AHNAK2: variants seen among roughly 807,000 people sequenced by gnomAD.
AHNAK2 encodes AHNAK nucleoprotein 2.
A neutral mutation model predicts 30.7 loss-of-function variants in AHNAK2; 18 were observed. The observed-to-expected ratio is 0.59, with a 90% CI of 0.41 to 0.87. The LOEUF (loss-of-function observed/expected upper bound fraction) is 0.87, where lower values mean the gene tolerates loss of function less well. Among genes scored for constraint, AHNAK2 ranks in the 40% least tolerant of loss-of-function variants. AHNAK2 has a pLI of 0.00. For synonymous variants in AHNAK2, 3,590 were observed against 3,073.8 expected (o/e 1.17, Z -5.56); for missense variants, 8,604 against 7,373.0 (o/e 1.17, Z -6.11).
At position 104,951,995 on chromosome 14, in the gene AHNAK2, G is replaced by T. The variant is rs534455193; in HGVS notation, c.3456C>A (p.Ala1152=). 1.6e-5 allele frequency: 26 copies of T among 1,611,074 alleles called. No individual in the cohort carries two copies. The South Asian group carries it at 2.9e-4, about 18-fold the overall frequency. The change falls in exon 7 of 7, where the codon GCC becomes GCA. Residue 1152 remains alanine (A), a synonymous_variant. Transcript: ENST00000333244. The part of the protein sequence containing the change: ...SARLEGELSL[A]DKDVTAKDSR... The stretch of plus-strand genomic sequence containing the variant: ...TGTCTTTGGCAGTCACATCCTTGTC[G>T]GCCAGGGACAGTTCCCCCTCCAGCC...
At chr14:104,962,451 G>A (rs1214450889) in intron 1 of AHNAK2, among the ~76,000 whole-genome samples, 1 of 152,110 alleles carries the variant, frequency 6.6e-6, no homozygotes, top group African/African-American at 2.4e-5. Context: ...TTTGAGACAG[G>A]GTCTCACTCT....
chr14:104,954,052 A>G lies in AHNAK2; in HGVS notation c.1399T>C (p.Leu467=). The part of the protein sequence containing the change: ...SLEIGIARLS[L]RDTTEGGTQI... Reference sequence around the variant, plus strand: ...GTGCCTCCTTCGGTTGTGTCTCTCAAGGACAGTCTGGCGATCCCGATTTCC... The same window carrying G: ...GTGCCTCCTTCGGTTGTGTCTCTCAGGGACAGTCTGGCGATCCCGATTTCC... The change falls in exon 7 of 7, where the codon TTG becomes CTG. Residue 467 remains leucine, a synonymous_variant. Transcript: ENST00000333244. This position sits in a 1 kb window ranked among gnomAD's most constrained non-coding sequence, Gnocchi z 4.3. 1 of 1,613,446 alleles carries G rather than the reference A, an allele frequency of 6.2e-7. No homozygotes were observed.
In AHNAK2 at chr14:104,953,282, G is replaced by A. The variant is rs199552372; in HGVS notation, c.2169C>T (p.Leu723=). 2.2e-5 allele frequency: 35 copies of A among 1,612,412 alleles called. No individual in the cohort carries two copies. The Admixed American group carries it at 2.8e-4, about 13-fold the overall frequency. The change falls in exon 7 of 7, where the codon CTC becomes CTT. Residue 723 remains leucine, a synonymous_variant. Coordinates refer to ENST00000333244, the MANE Select transcript of AHNAK2 (RefSeq NM_138420.4). ...GGTCAGCGGAAGGGGTCTGGACGCT[G>A]AGGTCAGTGGTCTTGAGGTCCCCCT... ...SMQGDLKTTD[L]SVQTPSADLE...
In AHNAK2 at chr14:104,945,217, C is replaced by T; in HGVS notation, c.10234G>A (p.Asp3412Asn). 6.2e-7 allele frequency: 1 copy of T among 1,613,132 alleles called. No individual in the cohort carries two copies. The highest frequency in any genetic ancestry group is 8.5e-7 in the Non-Finnish European group (1 of 1,179,662). Reference sequence around the variant, plus strand: ...AGGTCCAGCTTGGGGCCCTTGATGTCCACCTGGGGGCTCTTGAGGTCCACT... The same window carrying T: ...AGGTCCAGCTTGGGGCCCTTGATGTTCACCTGGGGGCTCTTGAGGTCCACT... ...PKVDLKSPQV[D>N]IKGPKLDLKV... Residue 3412 changes from aspartate (D) to asparagine (N), a missense_variant, in exon 7 of 7, where the codon GAC becomes AAC. Transcript: ENST00000333244.
Position 104,947,265 on chromosome 14 carries a change from C to A in AHNAK2, c.8186G>T (p.Gly2729Val), listed in dbSNP as rs774520525. ...GHVPEGAGLKGHLPKLQMPSF... is the reference protein window; with the variant it reads ...GHVPEGAGLKVHLPKLQMPSF... Reference sequence around the variant, plus strand: ...GGGCATCTGCAGCTTGGGCAGGTGCCCTTTGAGGCCGGCTCCCTCGGGAAC... The same window carrying A: ...GGGCATCTGCAGCTTGGGCAGGTGCACTTTGAGGCCGGCTCCCTCGGGAAC... The change falls in exon 7 of 7, where the codon GGG becomes GTG. Residue 2729 changes from glycine to valine, a missense_variant. Coordinates refer to ENST00000333244, the MANE Select transcript of AHNAK2 (RefSeq NM_138420.4). The A allele has an allele frequency of 3.4e-5, 55 of 1,611,186 alleles. No homozygotes were observed. The highest frequency in any genetic ancestry group is 9.0e-5 in the East Asian group (4 of 44,602).
chr14:104,949,392 G>A lies in AHNAK2; in HGVS notation c.6059C>T (p.Ala2020Val). Reference sequence around the variant, plus strand: ...CTGCATGGAGGGGAGACTCACGTCGGCCTCCACCTTGGGTGCAGGCACATC... The same window carrying A: ...CTGCATGGAGGGGAGACTCACGTCGACCTCCACCTTGGGTGCAGGCACATC... Reference protein sequence around the residue: ...SVDVPAPKVEADVSLPSMQGD... With the variant: ...SVDVPAPKVEVDVSLPSMQGD... Residue 2020 changes from alanine to valine, a missense_variant, in exon 7 of 7, where the codon GCC (alanine) becomes GTC (valine). Physicochemically the swap from Ala to Val is moderately conservative, Grantham distance 64. Transcript: ENST00000333244. 1.3e-6 allele frequency: 2 copies of A among 1,582,180 alleles called. No individual in the cohort carries two copies. The highest frequency in any genetic ancestry group is 1.7e-6 in the Non-Finnish European group (2 of 1,159,246).
chr14:104,942,643 C>A lies in AHNAK2; in HGVS notation c.12808G>T (p.Ala4270Ser). The A allele has an allele frequency of 1.2e-6, 2 of 1,613,498 alleles. No individual in the cohort carries two copies. Among genetic ancestry groups the A allele is most frequent in the Non-Finnish European group, 8.5e-7 (1 of 1,179,710 alleles). Residue 4270 changes from alanine to serine, a missense_variant, in exon 7 of 7, where the codon GCC becomes TCC. Ala to Ser is a moderately conservative substitution (Grantham distance 99, BLOSUM62 1). Transcript: ENST00000333244. ...ACACTGTCCAGCTTGGCTCCCGGGG[C>A]CTCGACGTCCACCTCCATGCTGGGC... ...SLPSMEVDVEAPGAKLDSVRL... is the reference protein window; with the variant it reads ...SLPSMEVDVESPGAKLDSVRL...
At chr14:104,963,657 T>C (rs866200178) in intron 1 of AHNAK2, among the ~76,000 whole-genome samples, 27 of 152,060 alleles carry the variant, frequency 1.8e-4, no homozygotes, top group Middle Eastern at 3.4e-3. Flanking sequence ...GGTGAAACCC[T>C]GTCTCTTCTA....
At position 104,938,641 on chromosome 14, in the gene AHNAK2, A is replaced by G. The variant is rs1897882945; in HGVS notation, c.16810T>C (p.Ser5604Pro). ...AGAATTTCTGCTGGCTCCTCATCTG[A>G]ACAGCTGTCTGCAAGCTGGTGGCCA... ...PSGHQLADSC[S>P]DEEPAEILEF... Residue 5604 changes from serine to proline, a missense_variant, in exon 7 of 7, where the codon TCA becomes CCA. Transcript: ENST00000333244. 1.2e-6 allele frequency: 2 copies of G among 1,612,450 alleles called. No individual in the cohort carries two copies. Among genetic ancestry groups the G allele is most frequent in the Non-Finnish European group, 1.7e-6 (2 of 1,179,244 alleles).
intron 1 of AHNAK2, among the ~76,000 whole-genome samples, chr14:104,968,741 G>T (rs1021673350): frequency 6.6e-6 from 1 of 152,222 alleles, no homozygotes; most frequent in South Asian, 2.1e-4. Flanking sequence ...CATCCTGGGT[G>T]GGAGGAACGA....
rs2819430 is a variant in AHNAK2 at position 104,950,945 on chromosome 14, C to T, written c.4506G>A (p.Ser1502=). 3.9e-3 allele frequency: 6,018 copies of T among 1,527,184 alleles called. 798 individuals carry two copies. Among genetic ancestry groups the T allele is most frequent in the African/African-American group, 0.026 (1,769 of 69,188 alleles). The allele number at this position is 1,527,184 out of a possible 1,614,324, so 94.6% of individuals were successfully genotyped here. The change falls in exon 7 of 7, where the codon TCG becomes TCA. Residue 1502 remains serine, a synonymous_variant. Coordinates refer to ENST00000333244, the MANE Select transcript of AHNAK2 (RefSeq NM_138420.4). Reference sequence around the variant, plus strand: ...ACTTGCCTGGGGCAGACACCCCGAACGACGGCATCTTGAACTTGGGCATTT... The same window carrying T: ...ACTTGCCTGGGGCAGACACCCCGAATGACGGCATCTTGAACTTGGGCATTT... The part of the protein sequence containing the change: ...KFKMPKFKMP[S]FGVSAPGKSI...
Position 104,946,205 on chromosome 14 carries a change from A to G in AHNAK2, c.9246T>C (p.Asp3082=), listed in dbSNP as rs12433815. The G allele has an allele frequency of 0.55, 653,521 of 1,196,694 alleles. 229,945 individuals carry two copies. Among genetic ancestry groups the G allele is most frequent in the Middle Eastern group, 0.68 (3,440 of 5,036 alleles). The allele number at this position is 1,196,694 out of a possible 1,614,324, so 74.1% of individuals were successfully genotyped here. The change falls in exon 7 of 7, where the codon GAT becomes GAC. Residue 3082 remains aspartate (D), a synonymous_variant. Transcript: ENST00000333244. The part of the protein sequence containing the change: ...PKVDRKGPQI[D]VKGPKLDLKG... ...TCAGGTCCAGCTTGGGGCCCTTGAC[A>G]TCTATCTGGGGTCCCTTGCGATCTA...
In AHNAK2 at chr14:104,950,036, C is replaced by T. The variant is rs377113839; in HGVS notation, c.5415G>A (p.Leu1805=). 4 of 1,587,000 alleles carry T rather than the reference C, an allele frequency of 2.5e-6. No individual in the cohort carries two copies. Among genetic ancestry groups the T allele is most frequent in the Non-Finnish European group, 3.4e-6 (4 of 1,163,136 alleles). ...APGAKLDSVR[L]EGDLSLADKD... is the part of the protein sequence containing the mutation. ...TGTCGGCCAGGGACAGGTCACCCTC[C>T]AGCCGCACACTGTCCAGCTTGGCTC... Residue 1805 remains leucine, a synonymous_variant, in exon 7 of 7, where the codon CTG becomes CTA. Coordinates refer to ENST00000333244, the MANE Select transcript of AHNAK2 (RefSeq NM_138420.4).
chr14:104,958,478 A>C (rs1334970203), intron 1 of AHNAK2, among the ~76,000 whole-genome samples: 1 of 152,222 alleles, frequency 6.6e-6, no homozygotes. Flanking sequence ...TGTTCAAAAC[A>C]CAAAAACAAA....
chr14:104,956,731 C>A, intron 3 of AHNAK2, 42 bp from the exon 4 acceptor site: 1 of 1,596,092 alleles, frequency 6.3e-7, no homozygotes, highest in South Asian at 1.1e-5. Context: ...TGCCCCAGCT[C>A]AGGGACAGGG....
rs771524850 is a variant in AHNAK2 at position 104,947,630 on chromosome 14, C to G, written c.7821G>C (p.Val2607=). The part of the protein sequence containing the change: ...GPKAEVTAPD[V]EMSLSSMEVD... ...CCTCCATGCTGGACAGAGACATCTC[C>G]ACATCGGGGGCTGTCACTTCCGCCT... The change falls in exon 7 of 7, where the codon GTG becomes GTC. Residue 2607 remains valine (V), a synonymous_variant. Transcript: ENST00000333244. 11 of 1,612,976 alleles carry G rather than the reference C, an allele frequency of 6.8e-6. No individual in the cohort carries two copies. The highest frequency in any genetic ancestry group is 6.7e-5 in the African/African-American group (5 of 74,558).
In AHNAK2 at chr14:104,942,595, G is replaced by C. The variant is rs1437393384; in HGVS notation, c.12856C>G (p.Leu4286Val). ...DSVRLEGDLS[L>V]ADKDMTAKDS... ...TTGGCAGTCATGTCCTTGTCGGCTA[G>C]GGACAGGTCACCCTCCAGCCGCACA... Residue 4286 changes from leucine to valine, a missense_variant, in exon 7 of 7, where the codon CTA becomes GTA. Transcript: ENST00000333244. 5 of 1,613,152 alleles carry C rather than the reference G, an allele frequency of 3.1e-6. No homozygotes were observed. Among genetic ancestry groups the C allele is most frequent in the Non-Finnish European group, 4.2e-6 (5 of 1,179,554 alleles).
rs750908463 is a variant in AHNAK2 at position 104,939,897 on chromosome 14, G to A, written c.15554C>T (p.Ser5185Leu). The A allele has an allele frequency of 1.8e-4, 286 of 1,613,232 alleles. No individual in the cohort carries two copies. The highest frequency in any genetic ancestry group is 2.3e-4 in the Non-Finnish European group (272 of 1,179,906). The stretch of plus-strand genomic sequence containing the variant: ...GGGCATTTTAAACCAGCTTTCCTGC[G>A]AGTACTTGGTCATGGCTTCCTCCTC... ...SPEEEAMTKY[S>L]QESWFKMPKF... Residue 5185 changes from serine to leucine, a missense_variant, in exon 7 of 7, where the codon TCG becomes TTG. Physicochemically the swap from Ser to Leu is moderately radical, Grantham distance 145. Transcript: ENST00000333244.
In AHNAK2 at chr14:104,943,018, C is replaced by T. The variant is rs139413141; in HGVS notation, c.12433G>A (p.Val4145Met). The T allele has an allele frequency of 1.4e-3, 2,322 of 1,613,222 alleles. 45 individuals carry two copies. The African/African-American group carries it at 0.028, about 19-fold the overall frequency. Residue 4145 changes from valine to methionine, a missense_variant, in exon 7 of 7, where the codon GTG (valine) becomes ATG (methionine). Physicochemically the swap from Val to Met is conservative, Grantham distance 21. Transcript: ENST00000333244. Reference sequence around the variant, plus strand: ...TCCATGGACTTGCCTGGGGCCGACACCCCGAATGATGGCATCTTGAACTTG... The same window carrying T: ...TCCATGGACTTGCCTGGGGCCGACATCCCGAATGATGGCATCTTGAACTTG... ...MPKFKMPSFG[V>M]SAPGKSMEAS...
Sources: allele counts gnomAD v4.1 joint callset (sites outside exome capture counted in the v4.1 genomes callset), GRCh38; gene constraint gnomAD v4.1.1; non-coding constraint Gnocchi (gnomAD v3.1); transcripts MANE v1.5; gene names NCBI Gene and HGNC (gene_info 2026-07-23, HGNC 2026-07-21).